The following MAP3K13 variants were observed in gnomAD, a reference collection of about 807,000 sequenced individuals.
MAP3K13 encodes the protein mitogen-activated protein kinase kinase kinase 13.
In MAP3K13, 52 loss-of-function variants were observed where a neutral mutation model predicts 104.0. The ratio of observed to expected loss-of-function variants is 0.50; its 90% CI spans 0.40 to 0.63. The LOEUF (loss-of-function observed/expected upper bound fraction) is 0.63, where lower values mean the gene tolerates loss of function less well. Ranked by LOEUF, MAP3K13 falls within the 20% of genes least tolerant of loss-of-function variation. MAP3K13 has a pLI of 0.00. For missense variants in MAP3K13, 914 were observed against 1,218.5 expected, an observed-to-expected ratio of 0.75 and a Z score of 3.72; for synonymous variants, 394 against 442.2, an observed-to-expected ratio of 0.89 and a Z score of 1.37.
chr3:185,479,367 G>C (rs932551816), intron 12 of MAP3K13, among the ~76,000 whole-genome samples: 1 of 152,136 alleles, frequency 6.6e-6, no homozygotes, highest in South Asian at 2.1e-4. Flanking sequence ...CCTCAGCTCT[G>C]CCTTTTCTCA....
chr3:185,447,681 G>A (rs1715669080), intron 4 of MAP3K13, 108 bp from the exon 5 acceptor site: 1 of 801,242 alleles, frequency 1.2e-6, no homozygotes, highest in Admixed American at 2.9e-5. Flanking sequence ...CAAGCTGAAT[G>A]CTACAAGATA....
intron 7 of MAP3K13, among the ~76,000 whole-genome samples, chr3:185,454,652 T>TATATATATATGAG (rs1716230154): frequency 1.0e-4 from 4 of 39,320 alleles, no homozygotes; most frequent in African/African-American, 2.2e-4. Flanking sequence ...ATATATATGA[T>TATATATATATGAG]ATATATATGA....
chr3:185,446,328 T>C (rs904438206), intron 4 of MAP3K13, among the ~76,000 whole-genome samples: 5 of 151,276 alleles, frequency 3.3e-5, no homozygotes, highest in African/African-American at 1.2e-4. Context: ...CAATCTCCAC[T>C]CACTGCAAGC....
rs1335975218 is a variant in MAP3K13 at position 185,377,147 on chromosome 3, C to T, written c.-86+13779C>T. On this transcript the variant is annotated intron_variant, in intron 1 of 13. Coordinates refer to ENST00000265026, the MANE Select transcript of MAP3K13 (RefSeq NM_004721.5). ...TGGTTGATAAGGCACAGATCCTGAA[C>T]TAACCTGCAAGTCGTGTCCGGTTTT... Among the ~76,000 whole-genome samples the T allele has an allele frequency of 5.3e-5, 8 of 152,276 alleles. No homozygotes were observed. In the South Asian group the frequency reaches 1.7e-3, roughly 32 times the overall value.
At chr3:185,300,172 T>C (rs1244044568) in intron 2 of MAP3K13, among the ~76,000 whole-genome samples, 1 of 151,904 alleles carries the variant, frequency 6.6e-6, no homozygotes, top group Non-Finnish European at 1.5e-5. Flanking sequence ...TAGCATATGA[T>C]AGGATTTCCT....
At chr3:185,346,225 TTCTTA>T (rs1205441047) in intron 2 of MAP3K13, among the ~76,000 whole-genome samples, 3 of 152,224 alleles carry the variant, frequency 2.0e-5, no homozygotes, top group African/African-American at 2.4e-5. Context: ...CAGTGAACTT[TTCTTA>T]TCTTATCAAT....
chr3:185,417,410 C>A, intron 1 of MAP3K13: 1 of 1,285,666 alleles, frequency 7.8e-7, no homozygotes. Flanking sequence ...TTCTTTTTTT[C>A]CTCACTGCCT....
intron 1 of MAP3K13, among the ~76,000 whole-genome samples, chr3:185,383,986 A>G (rs751168291): frequency 8.5e-5 from 13 of 152,192 alleles, no homozygotes; most frequent in Non-Finnish European, 1.9e-4. Flanking sequence ...TTTGAAATAT[A>G]CAATAAATTG....
intron 7 of MAP3K13, among the ~76,000 whole-genome samples, chr3:185,455,237 TATATATATGATATATATGAGATATATGAG>T (rs1716423754): frequency 2.1e-5 from 1 of 47,514 alleles, no homozygotes; most frequent in African/African-American, 6.8e-5. Context: ...ATATATGAGA[TATATATATGATATATATGAGATATATGAG>T]ATATATATGA....
intron 1 of MAP3K13, among the ~76,000 whole-genome samples, chr3:185,427,543 T>C (rs1483637783): frequency 1.3e-5 from 2 of 152,096 alleles, no homozygotes; most frequent in Non-Finnish European, 2.9e-5. Flanking sequence ...TACCCCAGAT[T>C]TGGTGCAGTA....
chr3:185,323,334 T>A (rs1270133682), intron 2 of MAP3K13, among the ~76,000 whole-genome samples: 1 of 126,700 alleles, frequency 7.9e-6, no homozygotes, highest in East Asian at 2.1e-4. Flanking sequence ...TTGGCATACC[T>A]TTTTTTTTTT....
intron 2 of MAP3K13, among the ~76,000 whole-genome samples, chr3:185,346,336 A>C (rs7643965): frequency 0.17 from 25,428 of 152,168 alleles, 2,949 homozygotes; most frequent in African/African-American, 0.33. Context: ...CAGTCTCTCT[A>C]TATCCAGAGA....
At chr3:185,335,072 G>T (rs755701626) in intron 2 of MAP3K13, among the ~76,000 whole-genome samples, 1 of 149,806 alleles carries the variant, frequency 6.7e-6, no homozygotes, top group African/African-American at 2.4e-5. Context: ...GTTATGCAAA[G>T]ATTTCTTGAG....
intron 7 of MAP3K13, among the ~76,000 whole-genome samples, chr3:185,458,024 G>C (rs1716868369): frequency 6.6e-6 from 1 of 152,062 alleles, no homozygotes; most frequent in African/African-American, 2.4e-5. Context: ...CAAATGAAAA[G>C]ATAAAACTGC....
intron 7 of MAP3K13, among the ~76,000 whole-genome samples, chr3:185,455,928 G>A (rs1267349677): frequency 3.8e-5 from 5 of 131,014 alleles, no homozygotes; most frequent in Admixed American, 1.6e-4. Flanking sequence ...TATATATGAT[G>A]TATATATGAG....
intron 1 of MAP3K13, chr3:185,417,454 C>CA (rs1459447805): frequency 1.3e-6 from 2 of 1,538,620 alleles, no homozygotes; most frequent in Non-Finnish European, 1.7e-6. Flanking sequence ...AGAAGCTGTC[C>CA]AAAATGATTT....
chr3:185,350,518 A>T (rs1304925329), intron 2 of MAP3K13, among the ~76,000 whole-genome samples: 1 of 151,922 alleles, frequency 6.6e-6, no homozygotes, highest in East Asian at 1.9e-4. Context: ...ATTGTCACTT[A>T]TATCTTGTTG....
chr3:185,297,546 C>T (rs565056139), intron 2 of MAP3K13, among the ~76,000 whole-genome samples: 3 of 152,156 alleles, frequency 2.0e-5, no homozygotes, highest in African/African-American at 7.2e-5. Context: ...ACCAGCCTGG[C>T]CAACATGGTG....
chr3:185,315,398 T>C lies in MAP3K13; in HGVS notation c.-86+29755T>C, dbSNP rs1459037449. On this transcript the variant is annotated intron_variant, in intron 2 of 14. Transcript: ENST00000424227. The surrounding 1 kb of genome is among the most constrained non-coding windows in gnomAD (Gnocchi z 4.3). ...GTCTTAACAAAAACAGATTGCTGGGTTCTACCCTAGAGTTTCTGATTCAGT... is the reference window on the plus strand; with the variant it reads ...GTCTTAACAAAAACAGATTGCTGGGCTCTACCCTAGAGTTTCTGATTCAGT... Among the ~76,000 whole-genome samples the C allele has an allele frequency of 2.6e-5, 4 of 152,128 alleles. No individual in the cohort carries two copies. The highest frequency in any genetic ancestry group is 9.7e-5 in the African/African-American group (4 of 41,416).
Sources: allele counts gnomAD v4.1 joint callset (sites outside exome capture counted in the v4.1 genomes callset), GRCh38; gene constraint gnomAD v4.1.1; non-coding constraint Gnocchi (gnomAD v3.1); transcripts MANE v1.5; gene names NCBI Gene and HGNC (gene_info 2026-07-23, HGNC 2026-07-21).